GARIN3: variants seen among roughly 807,000 people sequenced by gnomAD.
The protein encoded by GARIN3 is Golgi-associated RAB2 interactor protein 3.
At chr5:157,163,639 T>G in the GARIN3 span, 4 of 1,613,606 alleles carry the variant, frequency 2.5e-6, no homozygotes, top group Non-Finnish European at 3.4e-6. Context: ...CTGATCCCCT[T>G]CTCTGTGGAG....
At chr5:157,162,542 C>T in the GARIN3 span, 3 of 1,614,060 alleles carry the variant, frequency 1.9e-6, no homozygotes, top group Admixed American at 1.7e-5. Flanking sequence ...TGGGCTTTCT[C>T]CACTTTGGCC....
the GARIN3 span, chr5:157,165,695 A>G: frequency 6.2e-7 from 1 of 1,614,206 alleles, no homozygotes; most frequent in South Asian, 1.1e-5. Context: ...CCCGTGTGTC[A>G]GAAGAGGGAC....
At chr5:157,164,298 C>T in the GARIN3 span, among the ~76,000 whole-genome samples, 1 of 152,094 alleles carries the variant, frequency 6.6e-6, no homozygotes, top group South Asian at 2.1e-4. Context: ...TACAGGCGCC[C>T]ACCACCATAC....
chr5:157,162,489 G>A, the GARIN3 span: 131 of 1,613,936 alleles, frequency 8.1e-5, no homozygotes, highest in Middle Eastern at 1.6e-4. Flanking sequence ...CCGTCTTCTC[G>A]GATGTCATAG....
chr5:157,164,048 T>C, the GARIN3 span, among the ~76,000 whole-genome samples: 2 of 147,610 alleles, frequency 1.4e-5, no homozygotes, highest in African/African-American at 5.0e-5. Context: ...GGCAACAGAG[T>C]GAGACACTGT....
chr5:157,164,274 T>G, the GARIN3 span, among the ~76,000 whole-genome samples: 1 of 151,830 alleles, frequency 6.6e-6, no homozygotes, highest in Non-Finnish European at 1.5e-5. Context: ...CTTAGCCTCT[T>G]GAATAGCTGG....
At chr5:157,162,872 A>T in the GARIN3 span, 8 of 1,613,844 alleles carry the variant, frequency 5.0e-6, no homozygotes, top group Admixed American at 8.3e-5. Flanking sequence ...CGGTGGGAAG[A>T]CGCTTTCTGA....
chr5:157,163,692 A>G, the GARIN3 span: 1 of 1,587,088 alleles, frequency 6.3e-7, no homozygotes, highest in Non-Finnish European at 8.6e-7. Flanking sequence ...GATGAGATTG[A>G]GATGACTGAA....
At chr5:157,162,718 C>A in the GARIN3 span, 1 of 1,614,214 alleles carries the variant, frequency 6.2e-7, no homozygotes, top group South Asian at 1.1e-5. Context: ...TTGGTTCTTC[C>A]CCAGTTCCTG....
chr5:157,164,181 G>A, the GARIN3 span, among the ~76,000 whole-genome samples: 1 of 112,760 alleles, frequency 8.9e-6, no homozygotes, highest in African/African-American at 3.5e-5. Flanking sequence ...ACAGAGTCTT[G>A]CTCTGTCGCC....
At chr5:157,165,532 C>T in the GARIN3 span, 7 of 1,573,346 alleles carry the variant, frequency 4.4e-6, no homozygotes, top group Middle Eastern at 2.0e-4. Flanking sequence ...AAAGAACCTG[C>T]CCCATGTTCT....
At chr5:157,162,724 T>G in the GARIN3 span, 5 of 1,614,234 alleles carry the variant, frequency 3.1e-6, no homozygotes, top group South Asian at 4.4e-5. Flanking sequence ...CTTCCCCAGT[T>G]CCTGAGTTGT....
the GARIN3 span, chr5:157,165,950 G>A: frequency 6.2e-7 from 1 of 1,614,164 alleles, no homozygotes; most frequent in Non-Finnish European, 8.5e-7. Flanking sequence ...TGCAGACGAT[G>A]CCCACTGTCA....
chr5:157,166,046 G>A, the GARIN3 span: 2 of 1,614,168 alleles, frequency 1.2e-6, no homozygotes, highest in East Asian at 4.5e-5. Flanking sequence ...GTGCATACTT[G>A]AAAATGTTGT....
At chr5:157,162,993 G>A in the GARIN3 span, 1 of 1,614,174 alleles carries the variant, frequency 6.2e-7, no homozygotes. Context: ...TTTCATTCCA[G>A]ACTTCAGCAC....
chr5:157,164,395 G>A, the GARIN3 span, among the ~76,000 whole-genome samples: 4 of 151,828 alleles, frequency 2.6e-5, no homozygotes, highest in African/African-American at 7.3e-5. Flanking sequence ...CTGGTGAGCC[G>A]CCTTCCTTGG....
the GARIN3 span, chr5:157,163,302 T>C: frequency 1.2e-6 from 2 of 1,614,066 alleles, no homozygotes; most frequent in Non-Finnish European, 1.7e-6. Context: ...CATTTTCTCC[T>C]GGATTTTTGA....
the GARIN3 span, among the ~76,000 whole-genome samples, chr5:157,163,933 T>A: frequency 6.6e-6 from 1 of 152,084 alleles, no homozygotes; most frequent in South Asian, 2.1e-4. Context: ...GGCGCATGCC[T>A]GTAATCCCAG....
chr5:157,163,793 C>T, the GARIN3 span: 22 of 1,177,246 alleles, frequency 1.9e-5, no homozygotes, highest in Admixed American at 2.8e-5. Flanking sequence ...TGGTGGCTCA[C>T]GCCTGTAATC....
Sources: gnomAD v4.1 joint callset for allele counts (sites outside exome capture counted in the v4.1 genomes callset) on GRCh38, gnomAD v4.1.1 for gene constraint, MANE v1.5 for transcripts, NCBI Gene and HGNC (gene_info 2026-07-23, HGNC 2026-07-21) for gene names.